The following MON2 variants were observed in gnomAD, a reference collection of about 807,000 sequenced individuals.
MON2 encodes protein MON2 homolog.
Under a neutral mutation model 208.6 loss-of-function variants are expected in MON2, and 84 were observed. That is an observed-to-expected ratio of 0.40 (90% CI 0.34 to 0.48). MON2 has a LOEUF of 0.48. Ranked by LOEUF, MON2 falls within the 20% of genes least tolerant of loss-of-function variation. MON2 has a pLI of 0.59. For synonymous variants in MON2, 660 were observed against 694.0 expected, an observed-to-expected ratio of 0.95 and a Z score of 0.77; for missense variants, 1,611 against 2,015.4, an observed-to-expected ratio of 0.80 and a Z score of 3.84.
chr12:62,490,595 A>G (rs1278261641), intron 2 of MON2, among the ~76,000 whole-genome samples: 2 of 152,120 alleles, frequency 1.3e-5, no homozygotes, highest in African/African-American at 4.8e-5. Flanking sequence ...AAAAGCAATA[A>G]CTTTTTTCCT....
intron 2 of MON2, among the ~76,000 whole-genome samples, chr12:62,485,948 C>T (rs771689927): frequency 2.0e-5 from 3 of 152,040 alleles, no homozygotes; most frequent in Admixed American, 1.3e-4. Context: ...GGGGTTCTCC[C>T]GCCTCGGCCT....
intron 19 of MON2, among the ~76,000 whole-genome samples, chr12:62,539,272 CT>C (rs869061317): frequency 1.7e-3 from 251 of 143,752 alleles, no homozygotes; most frequent in Non-Finnish European, 2.0e-3. Context: ...TCTGCCTAGT[CT>C]TTTTTTTTTT....
chr12:62,539,483 G>A (rs957793590), intron 19 of MON2, among the ~76,000 whole-genome samples: 49 of 151,588 alleles, frequency 3.2e-4, no homozygotes, highest in African/African-American at 1.1e-3. Flanking sequence ...TAGCCAGGAT[G>A]GTGTCGATCT....
intron 25 of MON2, among the ~76,000 whole-genome samples, chr12:62,557,054 C>T (rs1019577027): frequency 1.3e-5 from 2 of 151,302 alleles, no homozygotes; most frequent in African/African-American, 4.9e-5. Context: ...TGCCACTGCA[C>T]TCAAGTCTGC....
intron 1 of MON2, among the ~76,000 whole-genome samples, chr12:62,477,345 G>C (rs1454571743): frequency 2.6e-5 from 4 of 151,990 alleles, no homozygotes. Flanking sequence ...TTCGTTGGTA[G>C]GCTATGTTCT....
At chr12:62,592,419 T>C (rs1388026198) in intron 34 of MON2, among the ~76,000 whole-genome samples, 167 bp from the exon 35 acceptor site, 4 of 152,204 alleles carry the variant, frequency 2.6e-5, no homozygotes, top group Non-Finnish European at 5.9e-5. Context: ...TTATTAAATA[T>C]AGCAGGAAAT....
chr12:62,534,542 A>AAAAACTATATATATATATAT (rs1555169522), intron 12 of MON2, among the ~76,000 whole-genome samples: 1 of 22,850 alleles, frequency 4.4e-5, no homozygotes, highest in African/African-American at 2.0e-4. Flanking sequence ...AAAAAAAAAA[A>AAAAACTATATATATATATAT]ATATATATAT....
At chr12:62,507,101 A>G (rs2071141126) in intron 7 of MON2, among the ~76,000 whole-genome samples, 1 of 152,174 alleles carries the variant, frequency 6.6e-6, no homozygotes, top group Non-Finnish European at 1.5e-5. Flanking sequence ...TTATCAGCTC[A>G]TCATGTTCTG....
intron 30 of MON2, 114 bp from the exon 31 acceptor site, chr12:62,578,330 GC>G (rs1324040781): frequency 9.1e-6 from 6 of 659,490 alleles, no homozygotes; most frequent in Non-Finnish European, 1.6e-5. Flanking sequence ...AAATAATAAT[GC>G]CCCAACCTGG....
intron 12 of MON2, 88 bp from the exon 13 acceptor site, chr12:62,534,757 G>A (rs986876716): frequency 1.6e-5 from 14 of 888,066 alleles, no homozygotes; most frequent in Non-Finnish European, 2.3e-5. Flanking sequence ...TTGACATATT[G>A]TCTGGGAAAA....
chr12:62,553,317 T>C, intron 24 of MON2, 143 bp downstream of exon 24: 2 of 750,970 alleles, frequency 2.7e-6, no homozygotes, highest in South Asian at 4.5e-5. Flanking sequence ...AACTGTGTCA[T>C]ATTGTAAATT....
intron 15 of MON2, 106 bp from the exon 16 acceptor site, chr12:62,537,496 A>T: frequency 1.1e-6 from 1 of 874,454 alleles, no homozygotes; most frequent in Non-Finnish European, 1.7e-6. Flanking sequence ...CTTTTTCTTA[A>T]TTTTTTCTTT....
At chr12:62,583,899 G>A (rs2075095975) in intron 32 of MON2, among the ~76,000 whole-genome samples, 1 of 149,362 alleles carries the variant, frequency 6.7e-6, no homozygotes, top group Admixed American at 6.7e-5. Context: ...GGTGGAGGTT[G>A]CAGTAAGCTG....
At chr12:62,553,385 C>CCTG in intron 24 of MON2, 1 of 463,230 alleles carries the variant, frequency 2.2e-6, no homozygotes, top group Non-Finnish European at 3.8e-6. Flanking sequence ...CTGTCTTCAT[C>CCTG]TCTTATTATT....
chr12:62,592,440 TTAAAAAGA>T, intron 34 of MON2, 138 bp from the exon 35 acceptor site: 1 of 615,478 alleles, frequency 1.6e-6, no homozygotes, highest in Non-Finnish European at 2.5e-6. Context: ...CTTTGAAAAA[TTAAAAAGA>T]TAAAAAGATA....
intron 8 of MON2, among the ~76,000 whole-genome samples, chr12:62,513,948 T>C (rs2071551417): frequency 7.0e-6 from 1 of 142,366 alleles, no homozygotes. Flanking sequence ...AGACTCCATC[T>C]CAAAAAAAAA....
intron 1 of MON2, among the ~76,000 whole-genome samples, chr12:62,471,763 TA>T (rs1438538481): frequency 6.6e-6 from 1 of 152,026 alleles, no homozygotes. Flanking sequence ...GAGAGAAAGG[TA>T]AAACTCGTTA....
At chr12:62,481,062 G>A (rs553630440) in intron 1 of MON2, among the ~76,000 whole-genome samples, 103 of 152,292 alleles carry the variant, frequency 6.8e-4, no homozygotes, top group South Asian at 3.5e-3. Flanking sequence ...TTTTACAGTA[G>A]TAAATTTGCT....
chr12:62,560,700 A>G lies in MON2; in HGVS notation c.3619A>G (p.Arg1207Gly), dbSNP rs768330743. 4 of 1,614,128 alleles carry G rather than the reference A, an allele frequency of 2.5e-6. No individual in the cohort carries two copies. The highest frequency in any genetic ancestry group is 3.4e-6 in the Non-Finnish European group (4 of 1,179,996). Residue 1207 changes from arginine (R) to glycine (G), a missense_variant, in exon 26 of 35, where the codon AGG becomes GGG. Physicochemically the swap from Arg to Gly is moderately radical, Grantham distance 125. Transcript: ENST00000393630. ...VLIGPISGMSRPFVRTDSIGE... is the reference protein window; with the variant it reads ...VLIGPISGMSGPFVRTDSIGE... ...TATAGGGCCCATATCAGGCATGAGC[A>G]GGCCATTTGTAAGAACAGATTCCAT...
Sources: allele counts gnomAD v4.1 joint callset (sites outside exome capture counted in the v4.1 genomes callset), GRCh38; gene constraint gnomAD v4.1.1; transcripts MANE v1.5; gene names NCBI Gene and HGNC (gene_info 2026-07-23, HGNC 2026-07-21).